The following DOCK10 variants were observed in gnomAD, a reference collection of about 807,000 sequenced individuals.
DOCK10 encodes dedicator of cytokinesis 10.
Under a neutral mutation model 280.1 loss-of-function variants are expected in DOCK10, and 145 were observed. The observed-to-expected ratio is 0.52, with a 90% CI of 0.45 to 0.59. The LOEUF is 0.59. Among genes scored for constraint, DOCK10 ranks in the 20% least tolerant of loss-of-function variants. The pLI is 0.00. For synonymous variants in DOCK10, 915 were observed against 942.2 expected (o/e 0.97, Z 0.53); for missense variants, 2,368 against 2,651.7 (o/e 0.89, Z 2.35).
Position 224,845,518 on chromosome 2 carries a change from C to G in DOCK10, c.2359+1G>C. The G allele has an allele frequency of 6.2e-7, 1 of 1,611,456 alleles. No homozygotes were observed. Among genetic ancestry groups the G allele is most frequent in the Non-Finnish European group, 8.5e-7 (1 of 1,179,182 alleles). ...TGCCTCAGATTTCTTCCTGGCAGTA[C>G]CTGACGTTTCCAGAGCCTCCTTCTT... is the stretch of plus-strand genomic sequence containing the variant. On this transcript the variant is annotated splice_donor_variant, in intron 20 of 55. Coordinates refer to ENST00000258390, the MANE Select transcript of DOCK10 (RefSeq NM_014689.3). LOFTEE classifies it high-confidence loss of function.
chr2:224,779,742 T>G (rs115275306), intron 50 of DOCK10, among the ~76,000 whole-genome samples: 69 of 152,354 alleles, frequency 4.5e-4, no homozygotes, highest in African/African-American at 1.5e-3. Context: ...TCAAAAGCAC[T>G]TTCATACATG....
intron 1 of DOCK10, among the ~76,000 whole-genome samples, chr2:225,022,029 G>A (rs975779323): frequency 2.0e-5 from 3 of 152,156 alleles, no homozygotes; most frequent in Admixed American, 6.5e-5. Flanking sequence ...AAGAACATAA[G>A]TCAAGTTGGA....
chr2:224,960,887 G>A (rs369967443), intron 1 of DOCK10, among the ~76,000 whole-genome samples: 10 of 151,756 alleles, frequency 6.6e-5, no homozygotes, highest in Admixed American at 2.0e-4. Flanking sequence ...CTACAGGCGC[G>A]CGCCACCGCG....
At chr2:224,779,011 C>T (rs1431306884) in intron 50 of DOCK10, among the ~76,000 whole-genome samples, 2 of 152,188 alleles carry the variant, frequency 1.3e-5, no homozygotes, top group East Asian at 3.9e-4. Flanking sequence ...TTTTATTCCA[C>T]AAGAGCAAGT....
chr2:224,907,667 G>A (rs1200721241), intron 3 of DOCK10, among the ~76,000 whole-genome samples: 18 of 139,296 alleles, frequency 1.3e-4, no homozygotes, highest in African/African-American at 5.0e-4. Flanking sequence ...CAACCTGGGC[G>A]ACAGAGCGAG....
intron 55 of DOCK10, among the ~76,000 whole-genome samples, chr2:224,766,676 T>C (rs1340921373): frequency 6.6e-6 from 1 of 152,240 alleles, no homozygotes; most frequent in East Asian, 1.9e-4. Context: ...ATACCCATCA[T>C]CACAGTTGAC....
rs1370153586 is a variant in DOCK10 at position 224,876,132 on chromosome 2, A to G, written c.837T>C (p.Asp279=). The change falls in exon 8 of 56, where the codon GAT becomes GAC. Residue 279 remains aspartate, a synonymous_variant. Transcript: ENST00000258390. The stretch of plus-strand genomic sequence containing the variant: ...TGCGGTTGAGGGTGTGGATCCATTC[A>G]TCCATATCTGACTCTGTTTCAGCTG... ...VLAAETESDM[D]EWIHTLNRIL... 1.2e-6 allele frequency: 2 copies of G among 1,613,810 alleles called. No individual in the cohort carries two copies. The highest frequency in any genetic ancestry group is 1.7e-6 in the Non-Finnish European group (2 of 1,179,878).
rs921147472 is a variant in DOCK10 at position 224,796,254 on chromosome 2, A to G, written c.4938+62T>C. 17 of 1,044,170 alleles carry G rather than the reference A, an allele frequency of 1.6e-5. No homozygotes were observed. The African/African-American group carries it at 2.6e-4, about 16-fold the overall frequency. The allele number at this position is 1,044,170 out of a possible 1,614,324, so 64.7% of individuals were successfully genotyped here. On this transcript the variant is annotated intron_variant, in intron 44 of 55. Transcript: ENST00000258390. The stretch of plus-strand genomic sequence containing the variant: ...TATTTTTATGATTTTGATATCTCAC[A>G]AAAAGAATCCACTTCAGATTTAAAA...
At chr2:224,925,748 G>A (rs1204222000) in intron 2 of DOCK10, among the ~76,000 whole-genome samples, 4 of 152,154 alleles carry the variant, frequency 2.6e-5, no homozygotes, top group African/African-American at 9.7e-5. Context: ...TCTTATTTAT[G>A]GTTTTGTACT....
At chr2:224,919,144 G>A (rs954220459) in intron 2 of DOCK10, among the ~76,000 whole-genome samples, 3 of 149,362 alleles carry the variant, frequency 2.0e-5, no homozygotes, top group African/African-American at 7.4e-5. Flanking sequence ...TATGTGTGGT[G>A]TGTGTATGTG....
At position 225,003,653 on chromosome 2, in the gene DOCK10, T is replaced by C. The variant is rs1286719686; in HGVS notation, c.123+38599A>G. On this transcript the variant is annotated intron_variant, in intron 1 of 55. Coordinates refer to ENST00000258390, the MANE Select transcript of DOCK10 (RefSeq NM_014689.3). Reference sequence around the variant, plus strand: ...TCAAATTAAAAGTTTTATCTAATAGTAGTATTTGTTCAAAATTTTACAAGG... The same window carrying C: ...TCAAATTAAAAGTTTTATCTAATAGCAGTATTTGTTCAAAATTTTACAAGG... 1.3e-5 allele frequency among the ~76,000 whole-genome samples: 2 copies of C among 152,190 alleles called. 1 individual carries two copies. Among genetic ancestry groups the C allele is most frequent in the Middle Eastern group, 6.3e-3 (2 of 316 alleles).
intron 1 of DOCK10, among the ~76,000 whole-genome samples, chr2:224,944,432 C>G (rs560148030): frequency 3.9e-4 from 59 of 152,332 alleles, no homozygotes; most frequent in African/African-American, 1.3e-3. Context: ...ACTTTGGCAA[C>G]ACTTGTAACT....
chr2:224,976,645 G>T (rs1032481599), intron 1 of DOCK10, among the ~76,000 whole-genome samples: 35 of 150,240 alleles, frequency 2.3e-4, no homozygotes, highest in African/African-American at 8.1e-4. Context: ...ATCTTGTCGG[G>T]GATAACAGAA....
At chr2:224,837,581 A>G in intron 25 of DOCK10, 181 bp downstream of exon 25, 1 of 586,350 alleles carries the variant, frequency 1.7e-6, no homozygotes, top group East Asian at 2.8e-5. Context: ...ACATTTAAAA[A>G]TTCACCTAGC....
intron 1 of DOCK10, chr2:224,947,017 G>A: frequency 6.7e-7 from 1 of 1,486,314 alleles, no homozygotes; most frequent in African/African-American, 1.4e-5. Context: ...CTTCTCTTCT[G>A]AAGCGTCACC....
At position 224,881,966 on chromosome 2, in the gene DOCK10, T is replaced by C. The variant is rs372835726; in HGVS notation, c.747+3705A>G. Among the ~76,000 whole-genome samples, 20 of 152,326 alleles carry C rather than the reference T, an allele frequency of 1.3e-4. 1 individual carries two copies. The highest frequency in any genetic ancestry group is 4.8e-4 in the African/African-American group (20 of 41,572). On this transcript the variant is annotated intron_variant, in intron 7 of 55. Coordinates refer to ENST00000258390, the MANE Select transcript of DOCK10 (RefSeq NM_014689.3). ...GGCTGCTTGACCTACAGGAGGTATC[T>C]GCATTTCTAGCCTTTGGTTAGTCAC...
At chr2:224,882,849 T>G (rs750637767) in intron 7 of DOCK10, among the ~76,000 whole-genome samples, 3 of 152,196 alleles carry the variant, frequency 2.0e-5, no homozygotes, top group African/African-American at 4.8e-5. Flanking sequence ...CTGGCACTAT[T>G]TCACTCAAAT....
intron 18 of DOCK10, among the ~76,000 whole-genome samples, chr2:224,851,359 A>G (rs1217604068): frequency 2.0e-5 from 3 of 151,428 alleles, no homozygotes; most frequent in Non-Finnish European, 2.9e-5. Flanking sequence ...TTGCCTGACA[A>G]TTATATTTCA....
At chr2:224,941,843 CAA>C (rs72072414) in intron 1 of DOCK10, among the ~76,000 whole-genome samples, 31,897 of 108,686 alleles carry the variant, frequency 0.29, 3,617 homozygotes, top group Admixed American at 0.37. Context: ...GCCTCCATCT[CAA>C]AAAAAAAAAA....
Sources: allele counts gnomAD v4.1 joint callset (sites outside exome capture counted in the v4.1 genomes callset), GRCh38; gene constraint gnomAD v4.1.1; transcripts MANE v1.5; gene names NCBI Gene and HGNC (gene_info 2026-07-23, HGNC 2026-07-21).